The following ZEB1 variants were observed in gnomAD, a reference collection of about 807,000 sequenced individuals.
ZEB1 encodes the protein zinc finger E-box binding homeobox 1, also known as zinc finger E-box-binding homeobox 1.
ZEB1 carries 21 observed loss-of-function variants against 84.9 expected under a neutral mutation model. The observed-to-expected ratio is 0.25, with a 90% CI of 0.18 to 0.36. The LOEUF is 0.36. Ranked by LOEUF, ZEB1 falls within the 10% of genes least tolerant of loss-of-function variation. ZEB1 has a pLI of 1.00. For missense variants in ZEB1, 1,104 were observed against 1,330.2 expected, an observed-to-expected ratio of 0.83 and a Z score of 2.65; for synonymous variants, 420 against 471.1, an observed-to-expected ratio of 0.89 and a Z score of 1.41.
Position 31,461,168 on chromosome 10 carries a change from G to T in ZEB1, c.190G>T (p.Asp64Tyr), listed in dbSNP as rs2061764126. Reference sequence around the variant, plus strand: ...TGTACCAGAGGATGACCTGCCAACAGACCAGACAGTGTTACCAGGGAGGAG... The same window carrying T: ...TGTACCAGAGGATGACCTGCCAACATACCAGACAGTGTTACCAGGGAGGAG... ...EGVPEDDLPT[D>Y]QTVLPGRSSE... is the part of the protein sequence containing the mutation. Residue 64 changes from aspartate to tyrosine, a missense_variant, in exon 2 of 9, where the codon GAC (aspartate) becomes TAC (tyrosine). By Grantham distance (160) the Asp-to-Tyr change is radical. This residue lies in a region of ZEB1 where 162 missense variants were observed against 184.5 expected (regional missense o/e 0.88). Coordinates refer to ENST00000424869, the MANE Select transcript of ZEB1 (RefSeq NM_001174096.2). The T allele has an allele frequency of 6.2e-7, 1 of 1,613,416 alleles. No homozygotes were observed. Among genetic ancestry groups the T allele is most frequent in the Non-Finnish European group, 8.5e-7 (1 of 1,179,722 alleles).
At chr10:31,443,836 A>G (rs1056638453) in intron 1 of ZEB1, among the ~76,000 whole-genome samples, 1 of 151,224 alleles carries the variant, frequency 6.6e-6, no homozygotes, top group Admixed American at 6.6e-5. Context: ...GGTTGGCTCC[A>G]AGTCTTTGCT....
intron 1 of ZEB1, chr10:31,389,627 T>C (rs773495930): frequency 1.2e-4 from 19 of 152,082 alleles, no homozygotes; most frequent in Non-Finnish European, 2.6e-4. Context: ...AAAGAAATTC[T>C]AGCCTTTGGA....
intron 2 of ZEB1, among the ~76,000 whole-genome samples, chr10:31,482,343 C>G (rs990281369): frequency 1.3e-5 from 2 of 151,604 alleles, no homozygotes; most frequent in Non-Finnish European, 2.9e-5. Context: ...ATGTCAAGGT[C>G]ATAAAATACA....
chr10:31,441,520 G>C (rs540686967), intron 1 of ZEB1, among the ~76,000 whole-genome samples: 55 of 152,112 alleles, frequency 3.6e-4, no homozygotes, highest in South Asian at 3.3e-3. Context: ...GTCTAAAACA[G>C]CAAAAGCAAT....
At chr10:31,397,266 T>C (rs1422986516) in intron 1 of ZEB1, among the ~76,000 whole-genome samples, 1 of 150,580 alleles carries the variant, frequency 6.6e-6, no homozygotes, top group Non-Finnish European at 1.5e-5. Flanking sequence ...TAAATTAAAA[T>C]GGGGAAATTA....
chr10:31,375,471 C>G (rs895214098), intron 1 of ZEB1, among the ~76,000 whole-genome samples: 3 of 151,672 alleles, frequency 2.0e-5, no homozygotes, highest in Non-Finnish European at 4.4e-5. Context: ...TATTTAGCCA[C>G]AAAAAGATAT....
intron 5 of ZEB1, among the ~76,000 whole-genome samples, chr10:31,513,933 T>C (rs989904176): frequency 1.3e-5 from 2 of 152,106 alleles, no homozygotes; most frequent in African/African-American, 2.4e-5. Flanking sequence ...GAGGAGTTGA[T>C]AGAATGCAAT....
At chr10:31,433,228 C>G (rs544644580) in intron 1 of ZEB1, among the ~76,000 whole-genome samples, 204 of 152,300 alleles carry the variant, frequency 1.3e-3, no homozygotes, top group African/African-American at 4.8e-3. Flanking sequence ...TTGTCCAGAT[C>G]TTCCAAATGT....
chr10:31,499,792 T>C (rs1344055844), intron 3 of ZEB1, among the ~76,000 whole-genome samples: 2 of 151,874 alleles, frequency 1.3e-5, no homozygotes, highest in Non-Finnish European at 2.9e-5. Flanking sequence ...TTATCAATAA[T>C]GAAGAAAACA....
chr10:31,420,935 C>G (rs538349562), intron 1 of ZEB1, among the ~76,000 whole-genome samples: 1 of 152,316 alleles, frequency 6.6e-6, no homozygotes, highest in South Asian at 2.1e-4. Flanking sequence ...ACAGTCCAGC[C>G]TGTTTCTTGA....
chr10:31,374,057 T>A (rs911042603), intron 1 of ZEB1, among the ~76,000 whole-genome samples: 1 of 151,802 alleles, frequency 6.6e-6, no homozygotes, highest in East Asian at 1.9e-4. Context: ...TTAAGATTGA[T>A]GTTTATCTGA....
At position 31,437,471 on chromosome 10, in the gene ZEB1, ACTT is replaced by A. The variant is rs2058425888; in HGVS notation, c.59-23564_59-23562del. Among the ~76,000 whole-genome samples the A allele has an allele frequency of 1.3e-5, 2 of 152,210 alleles. 1 individual carries two copies. Among genetic ancestry groups the A allele is most frequent in the South Asian group, 4.1e-4 (2 of 4,836 alleles). On this transcript the variant is annotated intron_variant, in intron 1 of 8. Coordinates refer to ENST00000424869, the MANE Select transcript of ZEB1 (RefSeq NM_001174096.2). ...TACCTATAAATTGTTTGTTTTTAATACTTCATCAGGAAATAAATTCCAATTAAA... is the reference window on the plus strand; with the variant it reads ...TACCTATAAATTGTTTGTTTTTAATACATCAGGAAATAAATTCCAATTAAA...
intron 2 of ZEB1, among the ~76,000 whole-genome samples, chr10:31,480,488 C>A (rs1009585906): frequency 1.3e-5 from 2 of 152,030 alleles, no homozygotes; most frequent in Non-Finnish European, 2.9e-5. Flanking sequence ...GGCTTCTAGT[C>A]TTCGCTGTAC....
intron 1 of ZEB1, among the ~76,000 whole-genome samples, chr10:31,457,997 C>G (rs2061430703): frequency 6.6e-6 from 1 of 152,008 alleles, no homozygotes; most frequent in African/African-American, 2.4e-5. Flanking sequence ...AAACCATGGC[C>G]AACTCAAGAT....
intron 1 of ZEB1, among the ~76,000 whole-genome samples, chr10:31,352,868 A>G (rs2041536593): frequency 6.6e-6 from 1 of 152,234 alleles, no homozygotes; most frequent in Non-Finnish European, 1.5e-5. Flanking sequence ...CAGGAAGAGA[A>G]ATAGGCTTCA....
rs547258852 is a variant in ZEB1, at chr10:31,450,892, G to A, written c.59-10145G>A. Among the ~76,000 whole-genome samples, 45 of 151,942 alleles carry A rather than the reference G, an allele frequency of 3.0e-4. 1 individual carries two copies. Among genetic ancestry groups the A allele is most frequent in the African/African-American group, 8.7e-4 (36 of 41,428 alleles). On this transcript the variant is annotated intron_variant, in intron 1 of 8. Transcript: ENST00000424869. The stretch of plus-strand genomic sequence containing the variant: ...ACTGAGCGTGTGTGTGTGTGTGTGC[G>A]TGCGTGCGCATGTGTGCCTGTGTGT...
At chr10:31,401,768 T>TA (rs2052062365) in intron 1 of ZEB1, among the ~76,000 whole-genome samples, 1 of 152,184 alleles carries the variant, frequency 6.6e-6, no homozygotes, top group Non-Finnish European at 1.5e-5. Context: ...TAAGCTTTTA[T>TA]ATGGTAATTT....
rs770656843 is a variant in ZEB1, at chr10:31,458,336, T to TTGTGTGTG, written c.59-2679_59-2672dup. ...CCGTGTGTGTGTGTGTGTGTGTGTG[T>TTGTGTGTG]TGTGTGTGTGTGTGTGTGTGTGTGT... On this transcript the variant is annotated intron_variant, in intron 1 of 8. Coordinates refer to ENST00000424869, the MANE Select transcript of ZEB1 (RefSeq NM_001174096.2). Among the ~76,000 whole-genome samples the TTGTGTGTG allele has an allele frequency of 2.8e-3, 284 of 102,282 alleles. 1 individual carries two copies. The highest frequency in any genetic ancestry group is 0.022 in the African/African-American group (266 of 11,972). The allele number at this position is 102,282 out of a possible 152,430, so 67.1% of individuals were successfully genotyped here.
intron 4 of ZEB1, among the ~76,000 whole-genome samples, chr10:31,506,855 G>A (rs1021261768): frequency 1.1e-4 from 17 of 151,980 alleles, no homozygotes; most frequent in African/African-American, 4.1e-4. Context: ...TATTATTGTG[G>A]TTTGATAGTT....
Sources: gnomAD v4.1 joint callset for allele counts (sites outside exome capture counted in the v4.1 genomes callset) on GRCh38, gnomAD v4.1.1 for gene constraint, gnomAD v4.1.1 regional missense constraint, MANE v1.5 for transcripts, NCBI Gene and HGNC (gene_info 2026-07-23, HGNC 2026-07-21) for gene names.